RNF170: variants seen among roughly 807,000 people sequenced by gnomAD.
RNF170 encodes E3 ubiquitin-protein ligase RNF170.
A neutral mutation model predicts 32.7 loss-of-function variants in RNF170; 12 were observed. The observed-to-expected ratio is 0.37, with a 90% CI of 0.24 to 0.60. The LOEUF (loss-of-function observed/expected upper bound fraction) is 0.60, where lower values mean the gene tolerates loss of function less well. Among genes scored for constraint, RNF170 ranks in the 20% least tolerant of loss-of-function variants. The pLI is 0.72. For synonymous variants in RNF170, 91 were observed against 103.6 expected, an observed-to-expected ratio of 0.88 and a Z score of 0.74; for missense variants, 212 against 311.2, an observed-to-expected ratio of 0.68 and a Z score of 2.40.
Position 42,856,295 on chromosome 8 carries a change from A to G in RNF170, c.641T>C (p.Ile214Thr), listed in dbSNP as rs947242505. The G allele has an allele frequency of 5.7e-6, 9 of 1,587,034 alleles. No homozygotes were observed. Among genetic ancestry groups the G allele is most frequent in the Non-Finnish European group, 7.7e-6 (9 of 1,172,190 alleles). The change falls in exon 7 of 7, where the codon ATA becomes ACA. Residue 214 changes from isoleucine (I) to threonine (T), a missense_variant. By Grantham distance (89) the Ile-to-Thr change is moderately conservative. Around this residue, in one of 2 missense-constraint regions of RNF170, gnomAD observed 97 missense variants for 178.9 expected, o/e 0.54. Coordinates refer to ENST00000527424, the MANE Select transcript of RNF170 (RefSeq NM_030954.4). ...LCLMGAFFYL[I>T]SPLDFVPEAL... ...TTCAGGTACAAAATCTAGAGGTGAT[A>G]TAAGATAGAAAAAAGCTCCCATTAA...
In RNF170 at chr8:42,855,910, C is replaced by T. The variant is rs1357774500; in HGVS notation, c.*249G>A. 7.9e-7 allele frequency: 1 copy of T among 1,263,760 alleles called. No individual in the cohort carries two copies. The highest frequency in any genetic ancestry group is 1.0e-6 in the Non-Finnish European group (1 of 965,282). 78.3% of individuals were successfully genotyped at this position (1,263,760 alleles called of 1,614,324 possible). A position where few individuals can be genotyped will look rare whatever the true frequency, so the allele number is the denominator to read the frequency against. On this transcript the variant is annotated 3_prime_UTR_variant, in exon 7 of 7. Transcript: ENST00000527424. ...TTTTTATATAATTCCATATTTTTTC[C>T]AGACAACATAGAATCAAGATACAAC...
At chr8:42,864,148 C>T (rs1251328218) in intron 5 of RNF170, among the ~76,000 whole-genome samples, 5 of 151,244 alleles carry the variant, frequency 3.3e-5, no homozygotes, top group African/African-American at 1.2e-4. Flanking sequence ...AGCTGGAGTG[C>T]AGTCCCATGA....
chr8:42,865,725 T>G (rs1351816196), intron 4 of RNF170, among the ~76,000 whole-genome samples: 1 of 152,236 alleles, frequency 6.6e-6, no homozygotes, highest in African/African-American at 2.4e-5. Flanking sequence ...GGCTCACGTC[T>G]GTTATCCCAG....
At chr8:42,860,969 C>T (rs1336756148) in intron 6 of RNF170, among the ~76,000 whole-genome samples, 8 of 152,190 alleles carry the variant, frequency 5.3e-5, no homozygotes, top group East Asian at 1.9e-4. Flanking sequence ...CCACCCGCCT[C>T]GGCCTCCCAA....
chr8:42,888,583 T>G (rs1806028877), intron 1 of RNF170, among the ~76,000 whole-genome samples: 1 of 151,064 alleles, frequency 6.6e-6, no homozygotes, highest in Non-Finnish European at 1.5e-5. Context: ...GTCAACATGG[T>G]GAAACCCCGT....
At chr8:42,866,177 G>A (rs1365675675) in intron 4 of RNF170, among the ~76,000 whole-genome samples, 1 of 152,076 alleles carries the variant, frequency 6.6e-6, no homozygotes, top group Non-Finnish European at 1.5e-5. Context: ...AATTTGATAT[G>A]TTACAAAACA....
rs781321438 is a variant in RNF170 at position 42,860,778 on chromosome 8, C to T, written c.507+967G>A. Reference sequence around the variant, plus strand: ...CGTCGCCCAGGCTGGAGTGCAGTGGCGTGATATCGGCTCACTGCAACCTCT... The same window carrying T: ...CGTCGCCCAGGCTGGAGTGCAGTGGTGTGATATCGGCTCACTGCAACCTCT... On this transcript the variant is annotated intron_variant, in intron 6 of 6. Coordinates refer to ENST00000527424, the MANE Select transcript of RNF170 (RefSeq NM_030954.4). Among the ~76,000 whole-genome samples the T allele has an allele frequency of 4.0e-5, 6 of 151,616 alleles. No individual in the cohort carries two copies. The East Asian group carries it at 7.8e-4, about 20-fold the overall frequency.
In RNF170 at chr8:42,891,277, C is replaced by T. The variant is rs149464691; in HGVS notation, c.-7-3406G>A. Among the ~76,000 whole-genome samples, 334 of 152,268 alleles carry T rather than the reference C, an allele frequency of 2.2e-3. 4 individuals carry two copies. Among genetic ancestry groups the T allele is most frequent in the African/African-American group, 5.7e-3 (235 of 41,554 alleles). On this transcript the variant is annotated intron_variant, in intron 1 of 6. Transcript: ENST00000527424. ...AGAGATATGACTATGATCTGGGTCA[C>T]GTAACATGTTTACAATTCTGTTTCT...
chr8:42,854,331 G>A lies in RNF170; in HGVS notation c.*1828C>T, dbSNP rs1321827394. The A allele has an allele frequency of 7.8e-7, 1 of 1,287,200 alleles. No individual in the cohort carries two copies. Among genetic ancestry groups the A allele is most frequent in the Non-Finnish European group, 1.0e-6 (1 of 988,686 alleles). The allele number at this position is 1,287,200 out of a possible 1,614,324, so 79.7% of individuals were successfully genotyped here. A position where few individuals can be genotyped will look rare whatever the true frequency, so the allele number is the denominator to read the frequency against. On this transcript the variant is annotated 3_prime_UTR_variant, in exon 7 of 7. Transcript: ENST00000527424. ...ACATTCTATGCAGGAGTCCTACTAA[G>A]AAATTTTGGTGTAATGCCACTTTGA...
intron 1 of RNF170, among the ~76,000 whole-genome samples, chr8:42,895,830 T>A (rs1259289068): frequency 6.6e-6 from 1 of 152,158 alleles, no homozygotes; most frequent in Non-Finnish European, 1.5e-5. Flanking sequence ...GGTAAAGCTG[T>A]AAGGAAATGA....
intron 1 of RNF170, among the ~76,000 whole-genome samples, chr8:42,892,288 G>A (rs1227760888): frequency 6.6e-6 from 1 of 152,134 alleles, no homozygotes; most frequent in Non-Finnish European, 1.5e-5. Flanking sequence ...GGCTCAATCA[G>A]TCTTCCTGCT....
At chr8:42,856,912 C>T (rs1023316791) in intron 6 of RNF170, among the ~76,000 whole-genome samples, 2 of 151,922 alleles carry the variant, frequency 1.3e-5, no homozygotes, top group East Asian at 1.9e-4. Context: ...CTGTTAAGAA[C>T]GAAAAGGTTC....
downstream of RNF170, among the ~76,000 whole-genome samples, chr8:42,851,378 G>T (rs892761244): frequency 3.9e-5 from 6 of 152,062 alleles, no homozygotes; most frequent in South Asian, 2.1e-4. Flanking sequence ...CCTGGCCAGG[G>T]TTTAGTAGAA....
rs1803084736 is a variant in RNF170, at chr8:42,854,388, A to T, written c.*1771T>A. 7.8e-7 allele frequency: 1 copy of T among 1,287,224 alleles called. No homozygotes were observed. The highest frequency in any genetic ancestry group is 1.0e-6 in the Non-Finnish European group (1 of 988,690). 79.7% of individuals were successfully genotyped at this position (1,287,224 alleles called of 1,614,324 possible). A position where few individuals can be genotyped will look rare whatever the true frequency, so the allele number is the denominator to read the frequency against. On this transcript the variant is annotated 3_prime_UTR_variant, in exon 7 of 7. Transcript: ENST00000527424. ...ATTTGTTGTATGACTTCATTCAAAAACACTTTCATCAATAGCATGGGGATT... is the reference window on the plus strand; with the variant it reads ...ATTTGTTGTATGACTTCATTCAAAATCACTTTCATCAATAGCATGGGGATT...
Position 42,854,075 on chromosome 8 carries a change from C to G in RNF170, c.*2084G>C. On this transcript the variant is annotated 3_prime_UTR_variant, in exon 7 of 7. Transcript: ENST00000527424. ...GCAGTGTGACAAACTCCTACTCACTCGCTTTTCAAGTTGGTGACTGCAGCT... is the reference window on the plus strand; with the variant it reads ...GCAGTGTGACAAACTCCTACTCACTGGCTTTTCAAGTTGGTGACTGCAGCT... 1 of 1,287,206 alleles carries G rather than the reference C, an allele frequency of 7.8e-7. No homozygotes were observed. 79.7% of individuals were successfully genotyped at this position (1,287,206 alleles called of 1,614,324 possible).
At position 42,896,598 on chromosome 8, in the gene RNF170, T is replaced by C. The variant is rs1483587349; in HGVS notation, c.-122A>G. The C allele has an allele frequency of 2.0e-5, 9 of 453,510 alleles. No homozygotes were observed. The East Asian group carries it at 6.3e-4, about 32-fold the overall frequency. The allele number at this position is 453,510 out of a possible 1,614,324, so 28.1% of individuals were successfully genotyped here. A position where few individuals can be genotyped will look rare whatever the true frequency, so the allele number is the denominator to read the frequency against. On this transcript the variant is annotated 5_prime_UTR_variant, in exon 1 of 7. Transcript: ENST00000527424. ...CCCACTAGACGTCCCCTTTCTAATT[T>C]GGAGTGCGGGTGCGGGCGCACGCGC...
intron 2 of RNF170, among the ~76,000 whole-genome samples, chr8:42,882,663 T>C (rs562887830): frequency 6.6e-6 from 1 of 152,278 alleles, no homozygotes; most frequent in Non-Finnish European, 1.5e-5. Context: ...GTGCATAAAA[T>C]CGGCTCATTA....
intron 3 of RNF170, among the ~76,000 whole-genome samples, chr8:42,871,756 G>A (rs28573195): frequency 5.5e-4 from 84 of 152,174 alleles, no homozygotes; most frequent in African/African-American, 1.5e-3. Context: ...ATGGGGTTTC[G>A]CCATGTTGCC....
At position 42,853,999 on chromosome 8, in the gene RNF170, C is replaced by T. The variant is rs2128921200; in HGVS notation, c.*2160G>A. ...TGTCAAAAAATGACATCACCATTCC[C>T]CCACACCAAATGTGTAATTGGTAGG... On this transcript the variant is annotated 3_prime_UTR_variant, in exon 7 of 7. Coordinates refer to ENST00000527424, the MANE Select transcript of RNF170 (RefSeq NM_030954.4). 7.8e-7 allele frequency: 1 copy of T among 1,287,132 alleles called. No individual in the cohort carries two copies. The highest frequency in any genetic ancestry group is 5.5e-5 in the East Asian group (1 of 18,028). 79.7% of individuals were successfully genotyped at this position (1,287,132 alleles called of 1,614,324 possible). A position where few individuals can be genotyped will look rare whatever the true frequency, so the allele number is the denominator to read the frequency against.
Sources: gnomAD v4.1 joint callset for allele counts (sites outside exome capture counted in the v4.1 genomes callset) on GRCh38, gnomAD v4.1.1 for gene constraint, gnomAD v4.1.1 regional missense constraint, MANE v1.5 for transcripts, NCBI Gene and HGNC (gene_info 2026-07-23, HGNC 2026-07-21) for gene names.